EXOC4: variants seen among roughly 807,000 people sequenced by gnomAD.
The protein encoded by EXOC4 is SEC8-like 1.
Under a neutral mutation model 107.2 loss-of-function variants are expected in EXOC4, and 71 were observed. The observed-to-expected ratio is 0.66, with a 90% CI of 0.55 to 0.81. The LOEUF is 0.81. Among genes scored for constraint, EXOC4 ranks in the 30% least tolerant of loss-of-function variants. The probability of loss-of-function intolerance (pLI) is 0.00; values close to 1 mark genes in which losing one functional copy is unlikely to be tolerated. For synonymous variants in EXOC4, 456 were observed against 441.2 expected (o/e 1.03, Z -0.42); for missense variants, 1,108 against 1,189.6 (o/e 0.93, Z 1.01).
At chr7:133,357,013 C>G (rs1796036672) in intron 6 of EXOC4, among the ~76,000 whole-genome samples, 1 of 152,178 alleles carries the variant, frequency 6.6e-6, no homozygotes, top group Admixed American at 6.5e-5. Flanking sequence ...CCCATACAAA[C>G]TTTGATTGGT....
chr7:133,356,412 C>T lies in EXOC4; in HGVS notation c.846C>T (p.Leu282=). The change falls in exon 6 of 18, where the codon CTC becomes CTT. Residue 282 remains leucine, a synonymous_variant. Transcript: ENST00000253861. ...ACAGCACCCTGTTTATGGGTATCCT[C>T]ATTAAGGGCTTGGCGAAACTGAAGA... ...EENSTLFMGI[L]IKGLAKLKKI... 1.9e-6 allele frequency: 3 copies of T among 1,614,072 alleles called. No individual in the cohort carries two copies. The South Asian group carries it at 3.3e-5, about 18-fold the overall frequency.
intron 7 of EXOC4, among the ~76,000 whole-genome samples, chr7:133,440,326 C>T: frequency 6.6e-6 from 1 of 152,026 alleles, no homozygotes; most frequent in East Asian, 1.9e-4. Context: ...AGCTCTCATT[C>T]TGTTATTTTT....
At chr7:133,541,494 G>A (rs1307047037) in intron 9 of EXOC4, among the ~76,000 whole-genome samples, 2 of 151,930 alleles carry the variant, frequency 1.3e-5, no homozygotes, top group East Asian at 1.9e-4. Context: ...GTTATGTTAC[G>A]TTACATTACG....
At chr7:133,641,538 T>C (rs1312816725) in intron 10 of EXOC4, among the ~76,000 whole-genome samples, 1 of 152,180 alleles carries the variant, frequency 6.6e-6, no homozygotes, top group East Asian at 1.9e-4. Flanking sequence ...TACAGTCACA[T>C]TTGTTCCAGC....
At chr7:133,273,276 T>G (rs1793915966) in intron 1 of EXOC4, among the ~76,000 whole-genome samples, 1 of 152,240 alleles carries the variant, frequency 6.6e-6, no homozygotes, top group South Asian at 2.1e-4. Flanking sequence ...TAGCTCTATC[T>G]TTGAAGCCCA....
chr7:134,084,952 A>G, the EXOC4 span, among the ~76,000 whole-genome samples: 1 of 152,160 alleles, frequency 6.6e-6, no homozygotes, highest in Admixed American at 6.5e-5. Context: ...CAGAAATCGG[A>G]AGTAAGGCAT....
Position 134,065,722 on chromosome 7 carries a change from G to A in EXOC4, c.*1194G>A, listed in dbSNP as rs1796165744. The A allele has an allele frequency of 6.6e-6, 1 of 152,112 alleles. No homozygotes were observed. The highest frequency in any genetic ancestry group is 2.1e-4 in the South Asian group (1 of 4,828). 9.4% of individuals were successfully genotyped at this position (152,112 alleles called of 1,614,324 possible). ...TGTTTGTACAACTTTGGTCTTGATG[G>A]GAAAAATGGAGAATTAAAAAGTGTT... On this transcript the variant is annotated 3_prime_UTR_variant, in exon 18 of 18. Coordinates refer to ENST00000253861, the MANE Select transcript of EXOC4 (RefSeq NM_021807.4).
chr7:133,987,560 G>A (rs1031508776), intron 14 of EXOC4, among the ~76,000 whole-genome samples: 8 of 152,114 alleles, frequency 5.3e-5, no homozygotes, highest in South Asian at 4.1e-4. Flanking sequence ...ACTGTGTGGT[G>A]TCTTTCACCT....
chr7:133,787,147 T>TTTTTC (rs1312302093), intron 10 of EXOC4, among the ~76,000 whole-genome samples: 1 of 146,324 alleles, frequency 6.8e-6, no homozygotes, highest in Non-Finnish European at 1.5e-5. Flanking sequence ...TTTTTCTTGT[T>TTTTTC]TTTTCTTTTC....
rs114992139 is a variant in EXOC4 at position 133,402,017 on chromosome 7, A to G, written c.1182+27015A>G. ...AATGAAATAGTTGTTCTGGAGTACTATGTAATTAAGGGCTTTGCAGAGAGC... is the reference window on the plus strand; with the variant it reads ...AATGAAATAGTTGTTCTGGAGTACTGTGTAATTAAGGGCTTTGCAGAGAGC... On this transcript the variant is annotated intron_variant, in intron 7 of 17. Coordinates refer to ENST00000253861, the MANE Select transcript of EXOC4 (RefSeq NM_021807.4). Among the ~76,000 whole-genome samples the G allele has an allele frequency of 6.0e-3, 911 of 152,310 alleles. 9 individuals are homozygous for G. The highest frequency in any genetic ancestry group is 0.02 in the African/African-American group (843 of 41,572).
intron 10 of EXOC4, among the ~76,000 whole-genome samples, chr7:133,755,959 T>C (rs1345391381): frequency 1.3e-5 from 2 of 152,188 alleles, no homozygotes; most frequent in African/African-American, 2.4e-5. Context: ...CTCAGTAAGA[T>C]CATTGGGAAA....
At chr7:133,977,770 G>A (rs367964131) in intron 14 of EXOC4, among the ~76,000 whole-genome samples, 1 of 151,232 alleles carries the variant, frequency 6.6e-6, no homozygotes, top group Non-Finnish European at 1.5e-5. Context: ...GTGTGTGTTT[G>A]TTTGTTTTAG....
At chr7:133,455,699 G>A (rs917621412) in intron 7 of EXOC4, among the ~76,000 whole-genome samples, 1 of 152,148 alleles carries the variant, frequency 6.6e-6, no homozygotes, top group Non-Finnish European at 1.5e-5. Context: ...ATGAATAAGT[G>A]CTGACTAGAG....
At chr7:133,536,555 CT>C (rs1800273892) in intron 9 of EXOC4, among the ~76,000 whole-genome samples, 1 of 151,554 alleles carries the variant, frequency 6.6e-6, no homozygotes, top group Non-Finnish European at 1.5e-5. Flanking sequence ...GTTCTTGTTT[CT>C]TTCTTTCTTG....
intron 10 of EXOC4, among the ~76,000 whole-genome samples, chr7:133,792,045 T>C (rs1796713614): frequency 6.6e-6 from 1 of 152,118 alleles, no homozygotes; most frequent in Non-Finnish European, 1.5e-5. Flanking sequence ...GAGAATCTGA[T>C]GACAGCTGTG....
intron 5 of EXOC4, among the ~76,000 whole-genome samples, chr7:133,331,084 C>T (rs186100994): frequency 4.6e-5 from 7 of 151,956 alleles, no homozygotes; most frequent in South Asian, 2.1e-4. Context: ...AATTTAAGTG[C>T]GATCAGATAT....
intron 9 of EXOC4, among the ~76,000 whole-genome samples, chr7:133,513,074 C>A (rs1799803047): frequency 6.6e-6 from 1 of 152,076 alleles, no homozygotes; most frequent in African/African-American, 2.4e-5. Context: ...CACTGCACTC[C>A]ATCTTGGGTG....
chr7:133,855,130 T>TAA (rs1798342157), intron 11 of EXOC4, among the ~76,000 whole-genome samples: 6 of 105,988 alleles, frequency 5.7e-5, no homozygotes, highest in South Asian at 2.9e-4. Flanking sequence ...TATATATAAA[T>TAA]ATATATATAT....
intron 9 of EXOC4, among the ~76,000 whole-genome samples, chr7:133,626,355 C>T (rs563141227): frequency 9.9e-5 from 15 of 152,226 alleles, no homozygotes; most frequent in Admixed American, 2.6e-4. Context: ...GATTTTTGGC[C>T]GTGACCTTTA....
Sources: allele counts gnomAD v4.1 joint callset (sites outside exome capture counted in the v4.1 genomes callset), GRCh38; gene constraint gnomAD v4.1.1; transcripts MANE v1.5; gene names NCBI Gene and HGNC (gene_info 2026-07-23, HGNC 2026-07-21).